STMND1: variants seen among roughly 807,000 people sequenced by gnomAD.
STMND1 encodes stathmin domain containing 1.
In STMND1, 17 loss-of-function variants were observed where a neutral mutation model predicts 23.0. The observed-to-expected ratio is 0.74, with a 90% CI of 0.51 to 1.11. The LOEUF (loss-of-function observed/expected upper bound fraction) is 1.11. STMND1 is among the 50% of genes least tolerant of loss of function. The pLI, the probability that STMND1 is intolerant of heterozygous loss-of-function variation, is 0.00. For missense variants in STMND1, 305 were observed against 329.1 expected (o/e 0.93, Z 0.57); for synonymous variants, 114 against 119.9 (o/e 0.95, Z 0.32).
rs1370510965 is a variant in STMND1 at position 17,110,805 on chromosome 6, A to G, written c.82-4157A>G. 8.8e-6 allele frequency: 4 copies of G among 455,814 alleles called. No individual in the cohort carries two copies. The East Asian group carries it at 2.8e-4, about 32-fold the overall frequency. The allele number at this position is 455,814 out of a possible 1,614,324, so 28.2% of individuals were successfully genotyped here. A position where few individuals can be genotyped will look rare whatever the true frequency, so the allele number is the denominator to read the frequency against. ...AATAGACATTAAAAGAATCCTGGGA[A>G]GACATTACCGAGTGGAAGATGCACG... On this transcript the variant is annotated intron_variant, in intron 1 of 4. Transcript: ENST00000536551.
At chr6:17,103,872 GACCCATT>G (rs1760979816) in intron 1 of STMND1, among the ~76,000 whole-genome samples, 1 of 151,668 alleles carries the variant, frequency 6.6e-6, no homozygotes, top group African/African-American at 2.4e-5. Context: ...ACCCTGCTAG[GACCCATT>G]ACCTTTTATG....
chr6:17,130,833 C>T lies in STMND1; in HGVS notation c.783C>T (p.Val261=), dbSNP rs541796943. ...DRNESDESFG[V]VESDMSYNQA... is the part of the protein sequence containing the mutation. ...ACGAAAGTGATGAAAGTTTTGGGGT[C>T]GTGGAGTCAGACATGTCCTACAACC... is the stretch of plus-strand genomic sequence containing the variant. Residue 261 remains valine, a synonymous_variant, in exon 5 of 5, where the codon GTC becomes GTT. Coordinates refer to ENST00000536551, the MANE Select transcript of STMND1 (RefSeq NM_001190766.2). The T allele has an allele frequency of 3.9e-6, 6 of 1,535,518 alleles. No individual in the cohort carries two copies. Among genetic ancestry groups the T allele is most frequent in the East Asian group, 4.9e-5 (2 of 40,902 alleles).
intron 1 of STMND1, among the ~76,000 whole-genome samples, chr6:17,106,329 G>T (rs902919817): frequency 6.6e-6 from 1 of 152,090 alleles, no homozygotes; most frequent in Non-Finnish European, 1.5e-5. Context: ...CATCCTGTGC[G>T]GTTACCTCCT....
At chr6:17,104,457 G>A (rs533197881) in intron 1 of STMND1, among the ~76,000 whole-genome samples, 123 of 152,162 alleles carry the variant, frequency 8.1e-4, no homozygotes, top group Admixed American at 2.4e-3. Context: ...CAGCATAGGA[G>A]GGGATGCTAA....
chr6:17,107,411 T>TA (rs57783805), intron 1 of STMND1, among the ~76,000 whole-genome samples: 31,798 of 152,008 alleles, frequency 0.21, 3,654 homozygotes, highest in East Asian at 0.37. Flanking sequence ...CTAAAATTGA[T>TA]AAAAAAATTT....
intron 2 of STMND1, among the ~76,000 whole-genome samples, chr6:17,117,306 T>A (rs1298938752): frequency 6.6e-6 from 1 of 152,150 alleles, no homozygotes; most frequent in African/African-American, 2.4e-5. Flanking sequence ...TGACTTCAGG[T>A]GCTCCTCCCG....
intron 1 of STMND1, among the ~76,000 whole-genome samples, chr6:17,112,544 G>A (rs111648099): frequency 0.13 from 20,170 of 152,070 alleles, 1,456 homozygotes; most frequent in Non-Finnish European, 0.16. Context: ...TTGAGAGGCC[G>A]AGGCGGGTGG....
At chr6:17,116,189 T>C (rs1336785789) in intron 2 of STMND1, among the ~76,000 whole-genome samples, 4 of 152,044 alleles carry the variant, frequency 2.6e-5, no homozygotes, top group African/African-American at 9.7e-5. Context: ...GTGTGTACAA[T>C]GTTAAAGGTG....
At position 17,102,274 on chromosome 6, in the gene STMND1, C is replaced by G; in HGVS notation, c.17C>G (p.Ser6Cys). Reference protein sequence around the residue: MGCGPSQPAEDRRRVR... With the variant: MGCGPCQPAEDRRRVR... ...GCGCGCAGCATGGGCTGTGGACCTTCCCAACCTGCTGAAGACCGGAGACGT... is the reference window on the plus strand; with the variant it reads ...GCGCGCAGCATGGGCTGTGGACCTTGCCAACCTGCTGAAGACCGGAGACGT... Residue 6 changes from serine (S) to cysteine (C), a missense_variant, in exon 1 of 5, where the codon TCC (serine) becomes TGC (cysteine). Transcript: ENST00000536551. 1 of 1,536,024 alleles carries G rather than the reference C, an allele frequency of 6.5e-7. No individual in the cohort carries two copies. The highest frequency in any genetic ancestry group is 2.4e-5 in the East Asian group (1 of 40,896).
At chr6:17,121,855 A>T (rs940695046) in intron 3 of STMND1, among the ~76,000 whole-genome samples, 1 of 149,510 alleles carries the variant, frequency 6.7e-6, no homozygotes. Flanking sequence ...TAAAGTCTAG[A>T]GTTCTAAATT....
At chr6:17,104,527 C>T (rs1267482670) in intron 1 of STMND1, among the ~76,000 whole-genome samples, 1 of 152,136 alleles carries the variant, frequency 6.6e-6, no homozygotes, top group Non-Finnish European at 1.5e-5. Context: ...CATTCCAAGG[C>T]CCAGGAGGGT....
chr6:17,106,221 C>T (rs1324538658), intron 1 of STMND1, among the ~76,000 whole-genome samples: 1 of 152,190 alleles, frequency 6.6e-6, no homozygotes, highest in African/African-American at 2.4e-5. Flanking sequence ...CCTCCCATCC[C>T]CAACCTCTGC....
At chr6:17,114,190 C>T (rs1761128893) in intron 1 of STMND1, among the ~76,000 whole-genome samples, 1 of 151,832 alleles carries the variant, frequency 6.6e-6, no homozygotes, top group African/African-American at 2.4e-5. Flanking sequence ...GAGCCTTGAG[C>T]TTGTCTTCCT....
intron 3 of STMND1, among the ~76,000 whole-genome samples, chr6:17,124,806 T>C (rs1428010674): frequency 6.6e-6 from 1 of 151,296 alleles, no homozygotes; most frequent in Non-Finnish European, 1.5e-5. Context: ...GAGATCACCC[T>C]GGGCAACATG....
intron 1 of STMND1, among the ~76,000 whole-genome samples, chr6:17,114,182 G>A (rs893717467): frequency 1.3e-5 from 2 of 151,972 alleles, no homozygotes; most frequent in African/African-American, 2.4e-5. Context: ...ATCAGTGGGA[G>A]CCTTGAGCTT....
chr6:17,126,051 TATATATATATATATATA>T lies in STMND1; in HGVS notation c.412-3060_412-3044del, dbSNP rs1295924653. On this transcript the variant is annotated intron_variant, in intron 3 of 4. Coordinates refer to ENST00000536551, the MANE Select transcript of STMND1 (RefSeq NM_001190766.2). The stretch of plus-strand genomic sequence containing the variant: ...TCATTGTTTTATATATATATATATA[TATATATATATATATATA>T]TATTTTTTTTTTTTTTTTTTTTTTT... 1.0e-3 allele frequency among the ~76,000 whole-genome samples: 34 copies of T among 32,596 alleles called. 1 individual carries two copies. The highest frequency in any genetic ancestry group is 3.3e-3 in the South Asian group (2 of 598). The allele number at this position is 32,596 out of a possible 152,430, so 21.4% of individuals were successfully genotyped here.
In STMND1 at chr6:17,115,031, A is replaced by T. The variant is rs1232499163; in HGVS notation, c.151A>T (p.Thr51Ser). The T allele has an allele frequency of 6.5e-7, 1 of 1,535,978 alleles. No individual in the cohort carries two copies. The highest frequency in any genetic ancestry group is 8.7e-7 in the Non-Finnish European group (1 of 1,146,842). The stretch of plus-strand genomic sequence containing the variant: ...GATGGAAGCTGCTCTGACCAAGAAT[A>T]CTGTGGACATTGCAGAAGGCCTGGA... Reference protein sequence around the residue: ...PRMEAALTKNTVDIAEGLEQV... With the variant: ...PRMEAALTKNSVDIAEGLEQV... The change falls in exon 2 of 5, where the codon ACT becomes TCT. Residue 51 changes from threonine (T) to serine (S), a missense_variant. Transcript: ENST00000536551.
Position 17,120,641 on chromosome 6 carries a change from A to G in STMND1, c.294A>G (p.Gln98=), listed in dbSNP as rs768666082. The change falls in exon 3 of 5, where the codon CAA becomes CAG. Residue 98 remains glutamine, a synonymous_variant. Transcript: ENST00000536551. ...LVTNGLINKP[Q]SLESRERQKS... ...CCAATGGATTAATCAATAAACCCCAATCCCTAGAGAGTCGAGAGCGACAGA... is the reference window on the plus strand; with the variant it reads ...CCAATGGATTAATCAATAAACCCCAGTCCCTAGAGAGTCGAGAGCGACAGA... The G allele has an allele frequency of 6.5e-6, 10 of 1,532,330 alleles. No homozygotes were observed. In the South Asian group the frequency reaches 1.1e-4, roughly 17 times the overall value. 94.9% of individuals were successfully genotyped at this position (1,532,330 alleles called of 1,614,324 possible).
At chr6:17,111,563 C>T (rs977157937) in intron 1 of STMND1, among the ~76,000 whole-genome samples, 1 of 152,134 alleles carries the variant, frequency 6.6e-6, no homozygotes, top group African/African-American at 2.4e-5. Flanking sequence ...GTAGCTACTC[C>T]TTATCACTAA....
Sources: allele counts gnomAD v4.1 joint callset (sites outside exome capture counted in the v4.1 genomes callset), GRCh38; gene constraint gnomAD v4.1.1; transcripts MANE v1.5; gene names NCBI Gene and HGNC (gene_info 2026-07-23, HGNC 2026-07-21).